Variants in ARMCX1 observed in about 807,000 individuals in gnomAD.
The protein encoded by ARMCX1 is armadillo repeat containing X-linked 1.
In ARMCX1, 4 loss-of-function variants were observed where a neutral mutation model predicts 15.4. That is an observed-to-expected ratio of 0.26 (90% confidence interval 0.13 to 0.59). ARMCX1 has a LOEUF of 0.59. ARMCX1 is among the 20% of genes least tolerant of loss of function. The pLI, the probability that ARMCX1 is intolerant of heterozygous loss-of-function variation, is 0.89. For missense variants in ARMCX1, 273 were observed against 337.1 expected (o/e 0.81, Z 1.49); for synonymous variants, 144 against 130.5 (o/e 1.10, Z -0.71).
At chrX:101,552,394 A>G (rs1225745313) in intron 3 of ARMCX1, among the ~76,000 whole-genome samples, 1 of 111,152 alleles carries the variant, frequency 9.0e-6, no homozygotes, top group Non-Finnish European at 1.9e-5. Flanking sequence ...GGTGAGATCT[A>G]TATGTACCCA....
In ARMCX1 at chrX:101,554,340, T is replaced by C; in HGVS notation, c.*48T>C. On this transcript the variant is annotated 3_prime_UTR_variant, in exon 4 of 4. Transcript: ENST00000372829. ...ATTGAGATATTTGCAGTTGGTACGA[T>C]GTGATTTGTAAATTCTTTGTTTTTC... 9.1e-7 allele frequency: 1 copy of C among 1,103,517 alleles called. No homozygotes were observed. Among genetic ancestry groups the C allele is most frequent in the Non-Finnish European group, 1.2e-6 (1 of 828,044 alleles). 90.9% of individuals were successfully genotyped at this position (1,103,517 alleles called of 1,213,427 possible).
rs921594464 is a variant in ARMCX1 at position 101,553,815 on chromosome X, C to T, written c.885C>T (p.Thr295=). 10 of 1,209,800 alleles carry T rather than the reference C, an allele frequency of 8.3e-6. No individual in the cohort carries two copies. The Admixed American group carries it at 1.5e-4, about 19-fold the overall frequency. Residue 295 remains threonine (T), a synonymous_variant, in exon 4 of 4, where the codon ACC becomes ACT. Transcript: ENST00000372829. The part of the protein sequence containing the change: ...KTYISQVCDD[T]MVCRLDSAVQ... ...ACATCAGTCAAGTGTGTGATGACAC[C>T]ATGGTCTGTCGCTTGGACTCAGCTG...
At chrX:101,552,661 G>C (rs782339580) in intron 3 of ARMCX1, 148 bp from the exon 4 acceptor site, 40 of 322,056 alleles carry the variant, frequency 1.2e-4, no homozygotes, top group Non-Finnish European at 2.0e-4. Flanking sequence ...GTGGAAGAAA[G>C]GAATCAGTGA....
chrX:101,551,366 C>G (rs1251524640), intron 2 of ARMCX1, among the ~76,000 whole-genome samples: 1 of 109,913 alleles, frequency 9.1e-6, no homozygotes, highest in Non-Finnish European at 1.9e-5. Context: ...GGGCCGGGGG[C>G]GGGGACGGGG....
chrX:101,553,090 A>G lies in ARMCX1; in HGVS notation c.160A>G (p.Thr54Ala), dbSNP rs1556027290. Residue 54 changes from threonine to alanine, a missense_variant, in exon 4 of 4, where the codon ACT becomes GCT. Physicochemically the swap from Thr to Ala is moderately conservative, Grantham distance 58. Around this residue, in one of 2 missense-constraint regions of ARMCX1, gnomAD observed 147 missense variants for 143.5 expected, o/e 1.02. Coordinates refer to ENST00000372829, the MANE Select transcript of ARMCX1 (RefSeq NM_016608.2). ...STDTSEIGVETVKGAKTNAGA... is the reference protein window; with the variant it reads ...STDTSEIGVEAVKGAKTNAGA... ...GGACACCTCAGAGATTGGGGTTGAG[A>G]CTGTGAAAGGAGCTAAAACTAACGC... 1.7e-6 allele frequency: 2 copies of G among 1,211,617 alleles called. No homozygotes were observed. Among genetic ancestry groups the G allele is most frequent in the East Asian group, 3.0e-5 (1 of 33,822 alleles).
chrX:101,553,581 A>G lies in ARMCX1; in HGVS notation c.651A>G (p.Thr217=). 8.3e-7 allele frequency: 1 copy of G among 1,211,946 alleles called. No homozygotes were observed. The highest frequency in any genetic ancestry group is 1.1e-6 in the Non-Finnish European group (1 of 895,379). Residue 217 remains threonine, a synonymous_variant, in exon 4 of 4, where the codon ACA becomes ACG. Transcript: ENST00000372829. The part of the protein sequence containing the change: ...LQKVLNILER[T]NDPFIQEVAL... Reference sequence around the variant, plus strand: ...AGGTCCTCAACATCCTGGAGCGAACAAATGATCCTTTTATTCAAGAAGTAG... The same window carrying G: ...AGGTCCTCAACATCCTGGAGCGAACGAATGATCCTTTTATTCAAGAAGTAG...
At chrX:101,551,453 G>C (rs1935379794) in intron 2 of ARMCX1, 116 bp from the exon 3 acceptor site, 1 of 111,487 alleles carries the variant, frequency 9.0e-6, no homozygotes, top group African/African-American at 3.3e-5. Context: ...GAAACAAAAA[G>C]GTAAAATCCA....
Position 101,553,287 on chromosome X carries a change from A to G in ARMCX1, c.357A>G (p.Ala119=). ...TTTTCAACACGCTGAAGGAACAGGC[A>G]AGTGCAAAGGCAGGCAAAGGGGCTA... The part of the protein sequence containing the change: ...KALFNTLKEQ[A]SAKAGKGARV... Residue 119 remains alanine (A), a synonymous_variant, in exon 4 of 4, where the codon GCA becomes GCG. Coordinates refer to ENST00000372829, the MANE Select transcript of ARMCX1 (RefSeq NM_016608.2). 8.3e-7 allele frequency: 1 copy of G among 1,211,766 alleles called. No individual in the cohort carries two copies. The highest frequency in any genetic ancestry group is 1.1e-6 in the Non-Finnish European group (1 of 895,435).
rs2147742291 is a variant in ARMCX1, at chrX:101,554,390, CT to C, written c.*102del. 1.2e-6 allele frequency: 1 copy of C among 851,893 alleles called. No homozygotes were observed. Among genetic ancestry groups the C allele is most frequent in the East Asian group, 3.2e-5 (1 of 30,817 alleles). 70.2% of individuals were successfully genotyped at this position (851,893 alleles called of 1,213,427 possible). A position where few individuals can be genotyped will look rare whatever the true frequency, so the allele number is the denominator to read the frequency against. ...CATTGTGCGTATATGGTAAAGAGAT[CT>C]TTTCAGCTGCTATTTTGGAATAATG... is the stretch of plus-strand genomic sequence containing the variant. On this transcript the variant is annotated 3_prime_UTR_variant, in exon 4 of 4. Coordinates refer to ENST00000372829, the MANE Select transcript of ARMCX1 (RefSeq NM_016608.2).
In ARMCX1 at chrX:101,553,102, G is replaced by A; in HGVS notation, c.172G>A (p.Ala58Thr). Reference protein sequence around the residue: ...SEIGVETVKGAKTNAGAGSGA... With the variant: ...SEIGVETVKGTKTNAGAGSGA... ...GATTGGGGTTGAGACTGTGAAAGGA[G>A]CTAAAACTAACGCTGGGGCAGGGTC... The change falls in exon 4 of 4, where the codon GCT (alanine) becomes ACT (threonine). Residue 58 changes from alanine to threonine, a missense_variant. This residue lies in a region of ARMCX1 where 147 missense variants were observed against 143.5 expected (regional missense o/e 1.02). Coordinates refer to ENST00000372829, the MANE Select transcript of ARMCX1 (RefSeq NM_016608.2). 8.3e-7 allele frequency: 1 copy of A among 1,211,797 alleles called. No homozygotes were observed. Among genetic ancestry groups the A allele is most frequent in the Non-Finnish European group, 1.1e-6 (1 of 895,469 alleles).
chrX:101,554,065 A>G lies in ARMCX1; in HGVS notation c.1135A>G (p.Lys379Glu), dbSNP rs782299102. 11 of 1,210,030 alleles carry G rather than the reference A, an allele frequency of 9.1e-6. No homozygotes were observed. In the East Asian group the frequency reaches 2.7e-4, roughly 29 times the overall value. ...VPSELISLFN[K>E]EWDREILLNI... is the part of the protein sequence containing the mutation. ...ATCAGAATTGATTTCCCTCTTTAAT[A>G]AAGAATGGGATAGAGAGATTCTTCT... Residue 379 changes from lysine (K) to glutamate (E), a missense_variant, in exon 4 of 4, where the codon AAA becomes GAA. By Grantham distance (56) the Lys-to-Glu change is moderately conservative. Transcript: ENST00000372829.
chrX:101,553,693 C>T lies in ARMCX1; in HGVS notation c.763C>T (p.Leu255=). ...ELGGVPIIAK[L]IKTKDPIIRE... ...GGGTGGTGTCCCAATTATTGCAAAA[C>T]TGATAAAAACAAAAGACCCCATAAT... Residue 255 remains leucine, a synonymous_variant, in exon 4 of 4, where the codon CTG becomes TTG. Transcript: ENST00000372829. 8.3e-7 allele frequency: 1 copy of T among 1,211,041 alleles called. No individual in the cohort carries two copies. Among genetic ancestry groups the T allele is most frequent in the African/African-American group, 1.7e-5 (1 of 57,667 alleles).
Position 101,550,828 on chromosome X carries a change from A to G in ARMCX1, c.-241-143A>G, listed in dbSNP as rs1391684181. The G allele has an allele frequency of 1.8e-4, 20 of 111,674 alleles. No homozygotes were observed. In the Admixed American group the frequency reaches 1.9e-3, roughly 11 times the overall value. The allele number at this position is 111,674 out of a possible 1,213,427, so 9.2% of individuals were successfully genotyped here. A position where few individuals can be genotyped will look rare whatever the true frequency, so the allele number is the denominator to read the frequency against. On this transcript the variant is annotated intron_variant, in intron 1 of 3. Coordinates refer to ENST00000372829, the MANE Select transcript of ARMCX1 (RefSeq NM_016608.2). Reference sequence around the variant, plus strand: ...GGCCGGATTCCAGGGGCGACCCCAGACTCGGGCGTCGTGGGACCTTTAACA... The same window carrying G: ...GGCCGGATTCCAGGGGCGACCCCAGGCTCGGGCGTCGTGGGACCTTTAACA...
In ARMCX1 at chrX:101,553,962, G is replaced by T; in HGVS notation, c.1032G>T (p.Lys344Asn). 8.3e-7 allele frequency: 1 copy of T among 1,210,453 alleles called. No individual in the cohort carries two copies. The highest frequency in any genetic ancestry group is 1.1e-6 in the Non-Finnish European group (1 of 894,791). Residue 344 changes from lysine (K) to asparagine (N), a missense_variant, in exon 4 of 4, where the codon AAG becomes AAT. Physicochemically the swap from Lys to Asn is moderately conservative, Grantham distance 94. This residue lies in a region of ARMCX1 where 126 missense variants were observed against 193.6 expected (regional missense o/e 0.65). Coordinates refer to ENST00000372829, the MANE Select transcript of ARMCX1 (RefSeq NM_016608.2). ...ALLFLGNHFTKIQIMKLIINF... is the reference protein window; with the variant it reads ...ALLFLGNHFTNIQIMKLIINF... ...TATTCCTGGGAAATCACTTCACCAA[G>T]ATACAGATTATGAAACTAATTATAA...
chrX:101,552,868 G>T lies in ARMCX1; in HGVS notation c.-63G>T, dbSNP rs1182283198. On this transcript the variant is annotated 5_prime_UTR_variant, in exon 4 of 4. Transcript: ENST00000372829. ...CAGACTCCGCCCGCGACGTGTGCGC[G>T]CTTCTCTGGGCCAGAGCGAGCCTGT... The T allele has an allele frequency of 3.5e-6, 4 of 1,144,369 alleles. No individual in the cohort carries two copies. Among genetic ancestry groups the T allele is most frequent in the Non-Finnish European group, 4.7e-6 (4 of 857,922 alleles). 94.3% of individuals were successfully genotyped at this position (1,144,369 alleles called of 1,213,427 possible).
rs868934206 is a variant in ARMCX1 at position 101,554,690 on chromosome X, G to A, written c.*398G>A. On this transcript the variant is annotated 3_prime_UTR_variant, in exon 4 of 4. Transcript: ENST00000372829. ...CAATAAAGTTGTGTTTTAAGCAGCA[G>A]AAAAAAAAAAGACGTTGTCCTTGTC... The A allele has an allele frequency of 5.1e-5, 6 of 117,894 alleles. No homozygotes were observed. The highest frequency in any genetic ancestry group is 9.4e-5 in the Non-Finnish European group (5 of 53,005). The allele number at this position is 117,894 out of a possible 1,213,427, so 9.7% of individuals were successfully genotyped here. A position where few individuals can be genotyped will look rare whatever the true frequency, so the allele number is the denominator to read the frequency against.
In ARMCX1 at chrX:101,553,358, C is replaced by G; in HGVS notation, c.428C>G (p.Pro143Arg). ...SGNRTLAPSL[P>R]CPGGRGGGCH... ...AACAGGACCCTTGCACCGAGTTTAC[C>G]CTGCCCAGGAGGCAGGGGTGGAGGC... is the stretch of plus-strand genomic sequence containing the variant. Residue 143 changes from proline (P) to arginine (R), a missense_variant, in exon 4 of 4, where the codon CCC (proline) becomes CGC (arginine). Around this residue, in one of 2 missense-constraint regions of ARMCX1, gnomAD observed 147 missense variants for 143.5 expected, o/e 1.02. Transcript: ENST00000372829. 1 of 1,193,341 alleles carries G rather than the reference C, an allele frequency of 8.4e-7. No individual in the cohort carries two copies. Among genetic ancestry groups the G allele is most frequent in the Non-Finnish European group, 1.1e-6 (1 of 887,149 alleles).
At position 101,552,927 on chromosome X, in the gene ARMCX1, T is replaced by C. The variant is rs1556027220; in HGVS notation, c.-4T>C. 12 of 1,205,035 alleles carry C rather than the reference T, an allele frequency of 1.0e-5. No homozygotes were observed. Among genetic ancestry groups the C allele is most frequent in the Admixed American group, 2.2e-5 (1 of 45,483 alleles). ...CGGGTTAAGAGATTTGTCCCAGCTA[T>C]ACCATGGGCCGCACTCGGGAAGCTG... is the stretch of plus-strand genomic sequence containing the variant. On this transcript the variant is annotated 5_prime_UTR_variant, in exon 4 of 4. Coordinates refer to ENST00000372829, the MANE Select transcript of ARMCX1 (RefSeq NM_016608.2).
intron 2 of ARMCX1, among the ~76,000 whole-genome samples, chrX:101,551,282 C>T (rs181833713): frequency 9.1e-6 from 1 of 109,851 alleles, no homozygotes; most frequent in African/African-American, 3.3e-5. Flanking sequence ...CGCCCCGCCC[C>T]GCTTCCAGTG....
Sources: gnomAD v4.1 joint callset for allele counts (sites outside exome capture counted in the v4.1 genomes callset) on GRCh38, gnomAD v4.1.1 for gene constraint, gnomAD v4.1.1 regional missense constraint, MANE v1.5 for transcripts, NCBI Gene and HGNC (gene_info 2026-07-23, HGNC 2026-07-21) for gene names.